TBCK: variants seen among roughly 807,000 people sequenced by gnomAD.
TBCK encodes TBC1 domain containing kinase, also known as TBC domain-containing protein kinase-like protein.
A neutral mutation model predicts 113.4 loss-of-function variants in TBCK; 99 were observed. The ratio of observed to expected loss-of-function variants is 0.87; its 90% CI spans 0.74 to 1.03. The LOEUF (loss-of-function observed/expected upper bound fraction) is 1.03. Ranked by LOEUF, TBCK falls within the 50% of genes least tolerant of loss-of-function variation. The pLI, the probability that TBCK is intolerant of heterozygous loss-of-function variation, is 0.00. For synonymous variants in TBCK, 369 were observed against 370.8 expected (o/e 1.00, Z 0.05); for missense variants, 1,045 against 1,061.3 (o/e 0.98, Z 0.21).
chr4:106,258,623 T>C (rs1434541775), intron 5 of TBCK, among the ~76,000 whole-genome samples: 1 of 152,006 alleles, frequency 6.6e-6, no homozygotes, highest in East Asian at 1.9e-4. Context: ...CCTCCTTTCT[T>C]CGATTCATCA....
chr4:106,120,124 C>T (rs572195536), intron 23 of TBCK, among the ~76,000 whole-genome samples: 5 of 152,234 alleles, frequency 3.3e-5, no homozygotes, highest in East Asian at 3.9e-4. Flanking sequence ...GTGCGCGAGC[C>T]GAAGCAGGGC....
chr4:106,141,115 T>C (rs1252312724), intron 23 of TBCK, among the ~76,000 whole-genome samples: 1 of 140,742 alleles, frequency 7.1e-6, no homozygotes, highest in Non-Finnish European at 1.6e-5. Flanking sequence ...TGCCATTTAA[T>C]GTAAGTGTAA....
intron 23 of TBCK, among the ~76,000 whole-genome samples, chr4:106,156,457 T>C (rs918128523): frequency 1.3e-5 from 2 of 152,186 alleles, no homozygotes; most frequent in African/African-American, 4.8e-5. Flanking sequence ...TTTCCTTCCC[T>C]TCAGGGCAGA....
At chr4:106,172,769 T>C (rs1751185226) in intron 22 of TBCK, among the ~76,000 whole-genome samples, 1 of 152,112 alleles carries the variant, frequency 6.6e-6, no homozygotes, top group Non-Finnish European at 1.5e-5. Flanking sequence ...ACACTGACCA[T>C]CTATTATGTG....
intron 23 of TBCK, among the ~76,000 whole-genome samples, chr4:106,166,501 T>C (rs775067546): frequency 2.0e-5 from 3 of 151,796 alleles, no homozygotes; most frequent in African/African-American, 4.8e-5. Flanking sequence ...TAGGAGTACA[T>C]GTGCAGGTTT....
chr4:106,170,087 T>A (rs1013684405), intron 23 of TBCK, among the ~76,000 whole-genome samples: 1 of 151,972 alleles, frequency 6.6e-6, no homozygotes, highest in Non-Finnish European at 1.5e-5. Context: ...GGCCTGGGGG[T>A]TGGGGATCCC....
chr4:106,120,305 G>A (rs1184820728), intron 23 of TBCK, among the ~76,000 whole-genome samples: 1 of 152,098 alleles, frequency 6.6e-6, no homozygotes, highest in Admixed American at 6.5e-5. Context: ...CACCTGGCTC[G>A]GAGGGTCTTA....
At position 106,242,580 on chromosome 4, in the gene TBCK, A is replaced by T; in HGVS notation, c.1071-11T>A. On this transcript the variant is annotated splice_polypyrimidine_tract_variant and intron_variant, in intron 11 of 25. Coordinates refer to ENST00000394708, the MANE Select transcript of TBCK (RefSeq NM_001163435.3). ...TCCTCAAAGAGAAAACTGAAAAGAA[A>T]TTTTTAAAAATAATATGTACACAAA... The T allele has an allele frequency of 6.3e-7, 1 of 1,577,398 alleles. No individual in the cohort carries two copies. The highest frequency in any genetic ancestry group is 2.3e-5 in the East Asian group (1 of 44,168).
At chr4:106,184,200 T>A (rs1020947841) in intron 22 of TBCK, among the ~76,000 whole-genome samples, 4 of 152,092 alleles carry the variant, frequency 2.6e-5, no homozygotes, top group Non-Finnish European at 4.4e-5. Context: ...ATCTTAAGCA[T>A]GTATCTAAAA....
At chr4:106,260,532 A>C (rs537791682) in intron 4 of TBCK, 22 bp from the exon 5 acceptor site, 4 of 781,046 alleles carry the variant, frequency 5.1e-6, no homozygotes, top group South Asian at 6.9e-5. Flanking sequence ...AAGAAAAAAA[A>C]CACTATCAAA....
intron 11 of TBCK, among the ~76,000 whole-genome samples, chr4:106,243,647 T>C (rs1438213621): frequency 2.0e-5 from 3 of 151,898 alleles, no homozygotes; most frequent in Admixed American, 2.0e-4. Flanking sequence ...ACTTCTACAG[T>C]TGCCTACAAT....
chr4:106,294,253 C>T (rs577696403), intron 3 of TBCK, among the ~76,000 whole-genome samples: 4 of 151,778 alleles, frequency 2.6e-5, no homozygotes, highest in Admixed American at 6.6e-5. Flanking sequence ...TGCAGTGGCG[C>T]ATCGCGGCTC....
At chr4:106,079,776 T>C (rs928473316) in intron 25 of TBCK, among the ~76,000 whole-genome samples, 4 of 152,174 alleles carry the variant, frequency 2.6e-5, no homozygotes, top group Admixed American at 1.3e-4. Context: ...AAAAGTTTCA[T>C]TGGCTCACAG....
chr4:106,185,216 A>G (rs1579166404), intron 22 of TBCK, among the ~76,000 whole-genome samples: 1 of 152,028 alleles, frequency 6.6e-6, no homozygotes, highest in Non-Finnish European at 1.5e-5. Flanking sequence ...TATTCTAGTC[A>G]TTCCCTCTAT....
At chr4:106,139,307 G>C (rs984429752) in intron 23 of TBCK, among the ~76,000 whole-genome samples, 1 of 141,588 alleles carries the variant, frequency 7.1e-6, no homozygotes, top group Non-Finnish European at 1.6e-5. Flanking sequence ...AAGTACTTGT[G>C]ATATTAACTG....
chr4:106,284,805 G>A (rs1048836839), intron 3 of TBCK, among the ~76,000 whole-genome samples: 2 of 152,118 alleles, frequency 1.3e-5, no homozygotes, highest in Non-Finnish European at 2.9e-5. Flanking sequence ...TGCTTTGATA[G>A]CAGTGATAAA....
At chr4:106,190,122 T>G (rs921949126) in intron 22 of TBCK, among the ~76,000 whole-genome samples, 4 of 152,232 alleles carry the variant, frequency 2.6e-5, no homozygotes, top group Non-Finnish European at 1.5e-5. Flanking sequence ...TATAATAAGC[T>G]ATTTGATTAA....
chr4:106,058,540 T>C (rs1735686273), intron 25 of TBCK, among the ~76,000 whole-genome samples: 2 of 151,686 alleles, frequency 1.3e-5, no homozygotes, highest in South Asian at 4.1e-4. Context: ...AAATGGGAGT[T>C]ACCTAGATTA....
intron 23 of TBCK, among the ~76,000 whole-genome samples, chr4:106,118,019 A>C (rs1447066757): frequency 6.6e-6 from 1 of 151,960 alleles, no homozygotes; most frequent in Non-Finnish European, 1.5e-5. Flanking sequence ...AAAAAAAAAA[A>C]AAACAAAAAA....
Sources: gnomAD v4.1 joint callset for allele counts (sites outside exome capture counted in the v4.1 genomes callset) on GRCh38, gnomAD v4.1.1 for gene constraint, MANE v1.5 for transcripts, NCBI Gene and HGNC (gene_info 2026-07-23, HGNC 2026-07-21) for gene names.